The following GPHN variants were observed in gnomAD, a reference collection of about 807,000 sequenced individuals.
GPHN encodes the protein gephyrin.
GPHN carries 17 observed loss-of-function variants against 95.5 expected under a neutral mutation model. That is an observed-to-expected ratio of 0.18 (90% CI 0.12 to 0.27). GPHN has a LOEUF of 0.27. Ranked by LOEUF, GPHN falls within the 10% of genes least tolerant of loss-of-function variation. The pLI is 1.00. For missense variants in GPHN, 660 were observed against 978.1 expected (o/e 0.67, Z 4.34); for synonymous variants, 320 against 322.5 (o/e 0.99, Z 0.08).
chr14:66,554,078 A>G (rs1232153120), intron 1 of GPHN, among the ~76,000 whole-genome samples: 2 of 152,228 alleles, frequency 1.3e-5, no homozygotes, highest in Non-Finnish European at 2.9e-5. Flanking sequence ...AATATAAATT[A>G]ACAATATTTG....
At chr14:67,576,488 G>T in the GPHN span, 3 of 1,578,490 alleles carry the variant, frequency 1.9e-6, no homozygotes, top group Non-Finnish European at 1.7e-6. This position sits in a 1 kb window ranked among gnomAD's most constrained non-coding sequence, Gnocchi z 4.0. Flanking sequence ...ACTGATGGAT[G>T]GTGAAGGAGA....
At chr14:67,378,387 A>G in the GPHN span, among the ~76,000 whole-genome samples, 1 of 149,070 alleles carries the variant, frequency 6.7e-6, no homozygotes, top group African/African-American at 2.5e-5. Flanking sequence ...GATAACTAAC[A>G]TTTATATAAT....
At chr14:67,411,648 C>T in the GPHN span, among the ~76,000 whole-genome samples, 1 of 152,196 alleles carries the variant, frequency 6.6e-6, no homozygotes, top group East Asian at 1.9e-4. Context: ...TAGCATTCCT[C>T]CTTCACAGGT....
rs4058479 is a variant in GPHN at position 66,639,121 on chromosome 14, A to AAT, written c.65-41971_65-41970dup. The stretch of plus-strand genomic sequence containing the variant: ...CCTAAGTGGACAAATACTGAAGGTA[A>AAT]ATATATATATATATATGCATAGGTG... On this transcript the variant is annotated intron_variant, in intron 1 of 22. Transcript: ENST00000478722. 6.7e-3 allele frequency among the ~76,000 whole-genome samples: 976 copies of AAT among 146,016 alleles called. 10 individuals are homozygous for AAT. Among genetic ancestry groups the AAT allele is most frequent in the African/African-American group, 0.014 (536 of 38,436 alleles).
chr14:67,657,602 A>G, the GPHN span, among the ~76,000 whole-genome samples: 1 of 136,328 alleles, frequency 7.3e-6, no homozygotes, highest in African/African-American at 2.7e-5. Flanking sequence ...GCGCGTGCAC[A>G]CACACACACA....
chr14:67,277,022 G>C, the GPHN span, among the ~76,000 whole-genome samples: 1 of 152,084 alleles, frequency 6.6e-6, no homozygotes, highest in African/African-American at 2.4e-5. Context: ...TTAATTTTCT[G>C]AAAATACTAA....
chr14:67,293,429 T>C, the GPHN span, among the ~76,000 whole-genome samples: 1 of 152,168 alleles, frequency 6.6e-6, no homozygotes, highest in African/African-American at 2.4e-5. Flanking sequence ...TTTCATTGAA[T>C]GCCAACATGA....
rs2067815570 is a variant in GPHN at position 66,947,272 on chromosome 14, T to C, written c.829-17919T>C. On this transcript the variant is annotated intron_variant, in intron 8 of 22. Transcript: ENST00000478722. ...TAACTCCTGTGCATTCTTTCTGTTCTGGTTTATCTCTTTCTCACAGAAGGA... is the reference window on the plus strand; with the variant it reads ...TAACTCCTGTGCATTCTTTCTGTTCCGGTTTATCTCTTTCTCACAGAAGGA... Among the ~76,000 whole-genome samples the C allele has an allele frequency of 3.3e-5, 5 of 152,236 alleles. No individual in the cohort carries two copies. The South Asian group carries it at 1.0e-3, about 31-fold the overall frequency.
the GPHN span, among the ~76,000 whole-genome samples, chr14:67,339,465 C>T: frequency 6.6e-6 from 1 of 152,086 alleles, no homozygotes; most frequent in Non-Finnish European, 1.5e-5. Flanking sequence ...ATGCTAACTC[C>T]AGGTCTAAGA....
chr14:67,651,556 T>G, the GPHN span: 1 of 1,523,850 alleles, frequency 6.6e-7, no homozygotes, highest in Admixed American at 1.9e-5. Flanking sequence ...GGGTTAGACC[T>G]GGGACCACGG....
At chr14:66,842,255 CT>C (rs2062129708) in intron 4 of GPHN, among the ~76,000 whole-genome samples, 2 of 152,060 alleles carry the variant, frequency 1.3e-5, no homozygotes, top group Admixed American at 6.6e-5. Flanking sequence ...ATTACTGCCC[CT>C]GATTCTTTCT....
At chr14:67,376,485 A>G in the GPHN span, 2 of 1,614,138 alleles carry the variant, frequency 1.2e-6, no homozygotes, top group African/African-American at 1.3e-5. Flanking sequence ...GAATACACCA[A>G]GGATGAGCAG....
At chr14:66,635,619 A>G (rs1362632836) in intron 1 of GPHN, among the ~76,000 whole-genome samples, 2 of 152,172 alleles carry the variant, frequency 1.3e-5, no homozygotes, top group African/African-American at 2.4e-5. Flanking sequence ...CAGTAAGGAA[A>G]TGTTTTAAGT....
chr14:66,704,524 A>G (rs1213274592), intron 2 of GPHN, among the ~76,000 whole-genome samples: 1 of 152,114 alleles, frequency 6.6e-6, no homozygotes, highest in Non-Finnish European at 1.5e-5. Context: ...AAACCACACA[A>G]TTGCATGGAG....
chr14:67,630,216 G>A, the GPHN span, among the ~76,000 whole-genome samples: 1 of 152,306 alleles, frequency 6.6e-6, no homozygotes, highest in Middle Eastern at 3.4e-3. Context: ...CTGTTGAAAT[G>A]GGTATCATAG....
chr14:67,314,435 A>AT, the GPHN span, among the ~76,000 whole-genome samples: 1 of 152,198 alleles, frequency 6.6e-6, no homozygotes, highest in African/African-American at 2.4e-5. Flanking sequence ...CTAGAAACAG[A>AT]TTTTGTCTAT....
At chr14:67,419,591 G>A in the GPHN span, among the ~76,000 whole-genome samples, 371 of 152,214 alleles carry the variant, frequency 2.4e-3, 2 homozygotes, top group African/African-American at 8.7e-3. Flanking sequence ...GGCGGGGGGC[G>A]GTGGCTCACG....
At chr14:66,996,527 G>T (rs901248929) in intron 9 of GPHN, among the ~76,000 whole-genome samples, 4 of 151,914 alleles carry the variant, frequency 2.6e-5, no homozygotes, top group Non-Finnish European at 5.9e-5. Context: ...TTTGAATTAG[G>T]TAATTTATTA....
chr14:66,891,252 G>T (rs2064484820), intron 5 of GPHN, among the ~76,000 whole-genome samples: 2 of 151,638 alleles, frequency 1.3e-5, no homozygotes, highest in East Asian at 3.9e-4. Flanking sequence ...AAATCAGGCT[G>T]CAAAAATCAG....
Sources: gnomAD v4.1 joint callset for allele counts (sites outside exome capture counted in the v4.1 genomes callset) on GRCh38, gnomAD v4.1.1 for gene constraint, Gnocchi (gnomAD v3.1) non-coding constraint, MANE v1.5 for transcripts, NCBI Gene and HGNC (gene_info 2026-07-23, HGNC 2026-07-21) for gene names.